IGF2BP1: variants seen among roughly 807,000 people sequenced by gnomAD.
The protein encoded by IGF2BP1 is insulin like growth factor 2 mRNA binding protein 1.
In IGF2BP1, 11 loss-of-function variants were observed where a neutral mutation model predicts 74.9. The observed-to-expected ratio is 0.15, with a 90% CI of 0.09 to 0.24. IGF2BP1 has a LOEUF of 0.24. Ranked by LOEUF, IGF2BP1 falls within the 10% of genes least tolerant of loss-of-function variation. The pLI, the probability that IGF2BP1 is intolerant of heterozygous loss-of-function variation, is 1.00. For synonymous variants in IGF2BP1, 287 were observed against 281.8 expected, an observed-to-expected ratio of 1.02 and a Z score of -0.18; for missense variants, 440 against 757.4, an observed-to-expected ratio of 0.58 and a Z score of 4.92.
rs2041855332 is a variant in IGF2BP1, at chr17:49,026,477, C to T, written c.297C>T (p.Ser99=). 1.9e-6 allele frequency: 3 copies of T among 1,614,040 alleles called. No homozygotes were observed. The highest frequency in any genetic ancestry group is 4.5e-5 in the East Asian group (2 of 44,882). The change falls in exon 4 of 15, where the codon AGC becomes AGT. Residue 99 remains serine, a synonymous_variant. Transcript: ENST00000290341. ...CTCCATTCTCCTAGGTACTGGACAG[C>T]CTGCTGGCTCAGTATGGTACAGTAG... ...PPQLRWEVLD[S]LLAQYGTVEN...
intron 2 of IGF2BP1, among the ~76,000 whole-genome samples, chr17:49,006,872 GAGAC>G (rs1332530182): frequency 2.6e-5 from 4 of 152,340 alleles, no homozygotes; most frequent in African/African-American, 9.6e-5. Flanking sequence ...TACATTCTCT[GAGAC>G]AGAGGCTTGG....
At chr17:49,031,793 G>C (rs941087679) in intron 4 of IGF2BP1, 117 bp from the exon 5 acceptor site, 1 of 907,460 alleles carries the variant, frequency 1.1e-6, no homozygotes, top group African/African-American at 1.6e-5. Flanking sequence ...GTGATCTACC[G>C]TGTCTGGCCT....
chr17:49,035,036 C>T (rs1025544140), intron 5 of IGF2BP1, among the ~76,000 whole-genome samples: 3 of 152,194 alleles, frequency 2.0e-5, no homozygotes, highest in East Asian at 3.8e-4. Flanking sequence ...TTAAAACTTA[C>T]ATCAAACTAC....
At chr17:49,015,156 A>G (rs2143990120) in intron 2 of IGF2BP1, among the ~76,000 whole-genome samples, 1 of 152,114 alleles carries the variant, frequency 6.6e-6, no homozygotes, top group East Asian at 1.9e-4. Flanking sequence ...TATTTTTAGT[A>G]GAGACGGGGT....
At chr17:49,025,694 G>GA in intron 3 of IGF2BP1, 28 bp downstream of exon 3, 1 of 1,602,200 alleles carries the variant, frequency 6.2e-7, no homozygotes, top group Non-Finnish European at 8.5e-7. Context: ...ACTCTAAATG[G>GA]AGTGGGATAG....
At chr17:48,999,075 G>A in intron 1 of IGF2BP1, 34 bp from the exon 2 acceptor site, 3 of 1,304,996 alleles carry the variant, frequency 2.3e-6, no homozygotes, top group Non-Finnish European at 3.3e-6. Context: ...CCCTGTTCAA[G>A]CTCTCATGGT....
chr17:49,022,407 C>T (rs554584442), intron 2 of IGF2BP1, among the ~76,000 whole-genome samples: 53 of 152,258 alleles, frequency 3.5e-4, no homozygotes, highest in African/African-American at 4.3e-4. Context: ...TGCCTCCCTG[C>T]CCCCCGCCCC....
chr17:49,030,714 C>T lies in IGF2BP1; in HGVS notation c.338-1196C>T, dbSNP rs556556403. Among the ~76,000 whole-genome samples, 14 of 151,928 alleles carry T rather than the reference C, an allele frequency of 9.2e-5. No individual in the cohort carries two copies. The Middle Eastern group carries it at 0.01, about 111-fold the overall frequency. On this transcript the variant is annotated intron_variant, in intron 4 of 14. Transcript: ENST00000290341. Reference sequence around the variant, plus strand: ...GATCTTTGGCTTACTGCAACCTCCACGTCCCGGGTTCAAGCGATTCTCCTG... The same window carrying T: ...GATCTTTGGCTTACTGCAACCTCCATGTCCCGGGTTCAAGCGATTCTCCTG...
In IGF2BP1 at chr17:49,014,101, C is replaced by A. The variant is rs534850758; in HGVS notation, c.237-11517C>A. On this transcript the variant is annotated intron_variant, in intron 2 of 14. Coordinates refer to ENST00000290341, the MANE Select transcript of IGF2BP1 (RefSeq NM_006546.4). ...GGGACAGCCCGCCCCTCAGCTGCGC[C>A]GTCTCAGTTCTCAATTGCCCGTTCA... 2.0e-5 allele frequency: 3 copies of A among 152,592 alleles called. No individual in the cohort carries two copies. The East Asian group carries it at 5.8e-4, about 30-fold the overall frequency. 9.5% of individuals were successfully genotyped at this position (152,592 alleles called of 1,614,324 possible).
At chr17:49,000,530 A>C (rs2041476675) in intron 2 of IGF2BP1, among the ~76,000 whole-genome samples, 1 of 152,208 alleles carries the variant, frequency 6.6e-6, no homozygotes, top group Non-Finnish European at 1.5e-5. Flanking sequence ...GGAAGAAAAG[A>C]AGTCTTATTT....
chr17:49,036,983 C>G (rs771314501), intron 5 of IGF2BP1: 22 of 193,682 alleles, frequency 1.1e-4, no homozygotes, highest in Non-Finnish European at 2.2e-4. Context: ...AAGCAAAGGC[C>G]ACAAGAAAGA....
At chr17:49,032,788 AGTT>A (rs1301265931) in intron 5 of IGF2BP1, among the ~76,000 whole-genome samples, 2 of 152,014 alleles carry the variant, frequency 1.3e-5, no homozygotes, top group African/African-American at 4.8e-5. Flanking sequence ...TCATGTCAAC[AGTT>A]GTTCATTCTC....
intron 2 of IGF2BP1, among the ~76,000 whole-genome samples, chr17:49,011,545 AT>A (rs1259280531): frequency 2.0e-5 from 3 of 152,032 alleles, no homozygotes; most frequent in African/African-American, 7.3e-5. Context: ...AGGCATTTCT[AT>A]TTCCAAAGTT....
chr17:49,038,486 T>C, intron 6 of IGF2BP1, 37 bp downstream of exon 6: 1 of 1,434,972 alleles, frequency 7.0e-7, no homozygotes, highest in South Asian at 1.5e-5. Flanking sequence ...GGTTGGGTGC[T>C]AGGGAACAGT....
chr17:49,018,269 C>G lies in IGF2BP1; in HGVS notation c.237-7349C>G, dbSNP rs116074927. ...GACCCTTACCAGAAACCACCAGCTT[C>G]TTGACTTCTGATTAGAAATCTGGTA... On this transcript the variant is annotated intron_variant, in intron 2 of 14. Transcript: ENST00000290341. 2.5e-3 allele frequency among the ~76,000 whole-genome samples: 383 copies of G among 152,292 alleles called. 1 individual carries two copies. Among genetic ancestry groups the G allele is most frequent in the African/African-American group, 8.6e-3 (359 of 41,556 alleles).
intron 2 of IGF2BP1, among the ~76,000 whole-genome samples, chr17:49,010,773 C>T (rs1214911606): frequency 1.3e-5 from 2 of 152,046 alleles, no homozygotes; most frequent in East Asian, 3.8e-4. Flanking sequence ...AGCATTTTCA[C>T]TTTAAATCCA....
chr17:48,999,230 G>A (rs958807920), intron 2 of IGF2BP1, 61 bp downstream of exon 2: 1 of 990,386 alleles, frequency 1.0e-6, no homozygotes, highest in African/African-American at 1.6e-5. Context: ...GTGAAGCTGT[G>A]TTCAGGGGTC....
At chr17:48,999,433 A>G (rs1567806763) in intron 2 of IGF2BP1, among the ~76,000 whole-genome samples, 1 of 152,144 alleles carries the variant, frequency 6.6e-6, no homozygotes, top group African/African-American at 2.4e-5. Context: ...AAGAAAATCA[A>G]TAGGGGAGAA....
chr17:49,011,844 A>G (rs1205584224), intron 2 of IGF2BP1, among the ~76,000 whole-genome samples: 1 of 140,096 alleles, frequency 7.1e-6, no homozygotes, highest in Non-Finnish European at 1.6e-5. Flanking sequence ...CCTACCTTGC[A>G]TTGTATTTTC....
Sources: allele counts gnomAD v4.1 joint callset (sites outside exome capture counted in the v4.1 genomes callset), GRCh38; gene constraint gnomAD v4.1.1; transcripts MANE v1.5; gene names NCBI Gene and HGNC (gene_info 2026-07-23, HGNC 2026-07-21).